The following SNX24 variants were observed in gnomAD, a reference collection of about 807,000 sequenced individuals.
The protein encoded by SNX24 is sorting nexin 24.
A neutral mutation model predicts 28.7 loss-of-function variants in SNX24; 22 were observed. That is an observed-to-expected ratio of 0.77 (90% CI 0.55 to 1.10). The LOEUF is 1.10. Ranked by LOEUF, SNX24 falls within the 50% of genes least tolerant of loss-of-function variation. The probability of loss-of-function intolerance (pLI) is 0.00; values close to 1 mark genes in which losing one functional copy is unlikely to be tolerated. For synonymous variants in SNX24, 69 were observed against 71.5 expected, an observed-to-expected ratio of 0.96 and a Z score of 0.18; for missense variants, 221 against 201.1, an observed-to-expected ratio of 1.10 and a Z score of -0.60.
At chr5:122,925,612 G>C (rs1451914406) in intron 1 of SNX24, among the ~76,000 whole-genome samples, 1 of 151,856 alleles carries the variant, frequency 6.6e-6, no homozygotes, top group Non-Finnish European at 1.5e-5. Context: ...AGTCTTCTTT[G>C]ACTATTTACA....
intron 1 of SNX24, chr5:122,853,709 AAC>A (rs1755043654): frequency 2.4e-6 from 1 of 414,292 alleles, no homozygotes; most frequent in Non-Finnish European, 4.9e-6. Context: ...GCAGGCCCTG[AAC>A]TCCTGGTCTC....
At chr5:122,910,568 T>C (rs1464070629) in intron 1 of SNX24, among the ~76,000 whole-genome samples, 12 of 149,854 alleles carry the variant, frequency 8.0e-5, no homozygotes, top group Admixed American at 8.0e-4. Context: ...GCTGCACCCA[T>C]TAACTCGTCA....
chr5:122,845,888 T>C (rs530290777), intron 1 of SNX24, among the ~76,000 whole-genome samples, 195 bp downstream of exon 1: 1,604 of 150,950 alleles, frequency 0.011, 28 homozygotes, highest in African/African-American at 0.037. Context: ...GCACGGCGGC[T>C]GCGGGCGCCC....
rs530409531 is a variant in SNX24 at position 122,946,665 on chromosome 5, G to A, written c.249+506G>A. Among the ~76,000 whole-genome samples, 8 of 152,296 alleles carry A rather than the reference G, an allele frequency of 5.3e-5. No homozygotes were observed. The South Asian group carries it at 1.7e-3, about 32-fold the overall frequency. The stretch of plus-strand genomic sequence containing the variant: ...GAAAATTCGAATGTCAATTTAGAAA[G>A]AATGCACTGGGACACTCTTTTCTGC... On this transcript the variant is annotated intron_variant, in intron 3 of 6. Coordinates refer to ENST00000261369, the MANE Select transcript of SNX24 (RefSeq NM_014035.4).
chr5:122,988,945 A>G (rs1196402825), intron 3 of SNX24, among the ~76,000 whole-genome samples: 1 of 152,210 alleles, frequency 6.6e-6, no homozygotes, highest in Non-Finnish European at 1.5e-5. Context: ...AGTAAATTAA[A>G]AATAGCATAT....
At chr5:122,889,431 A>T (rs544082767) in intron 1 of SNX24, among the ~76,000 whole-genome samples, 3 of 152,092 alleles carry the variant, frequency 2.0e-5, no homozygotes, top group African/African-American at 7.2e-5. Flanking sequence ...TTGTGTACCA[A>T]CATGAGGCTC....
At chr5:122,904,709 A>T (rs1757577322) in intron 1 of SNX24, among the ~76,000 whole-genome samples, 1 of 152,172 alleles carries the variant, frequency 6.6e-6, no homozygotes, top group African/African-American at 2.4e-5. Context: ...TATTCTATTC[A>T]GTATGCTCTT....
At chr5:122,866,404 G>A (rs1344664317) in intron 1 of SNX24, among the ~76,000 whole-genome samples, 2 of 152,090 alleles carry the variant, frequency 1.3e-5, no homozygotes, top group South Asian at 2.1e-4. Context: ...TCACCTCAGC[G>A]TGCCAAAGTG....
chr5:122,937,047 G>T (rs185379405), intron 2 of SNX24, among the ~76,000 whole-genome samples: 2 of 152,268 alleles, frequency 1.3e-5, no homozygotes, highest in Non-Finnish European at 2.9e-5. Flanking sequence ...AAAATCTCAG[G>T]CTGCAAGCTG....
chr5:122,915,583 G>A (rs115667712), intron 1 of SNX24, among the ~76,000 whole-genome samples: 2,666 of 152,178 alleles, frequency 0.018, 69 homozygotes, highest in African/African-American at 0.061. Context: ...CTATGATTAC[G>A]TCACCATACT....
At chr5:122,963,484 A>T (rs1760571597) in intron 3 of SNX24, among the ~76,000 whole-genome samples, 1 of 152,232 alleles carries the variant, frequency 6.6e-6, no homozygotes, top group South Asian at 2.1e-4. Context: ...AGATGGTTTT[A>T]TCTGATGAAA....
intron 1 of SNX24, among the ~76,000 whole-genome samples, chr5:122,853,115 CTTTTTTTTTTTT>C (rs10530519): frequency 4.2e-4 from 30 of 71,590 alleles, no homozygotes; most frequent in Admixed American, 1.7e-3. Context: ...GTTCTTTAGC[CTTTTTTTTTTTT>C]TTTTTTTTTT....
intron 3 of SNX24, among the ~76,000 whole-genome samples, chr5:122,963,473 T>C (rs1245085056): frequency 6.6e-6 from 1 of 152,158 alleles, no homozygotes; most frequent in Non-Finnish European, 1.5e-5. Flanking sequence ...TCTTAAAAGG[T>C]AGATGGTTTT....
intron 6 of SNX24, among the ~76,000 whole-genome samples, chr5:123,002,549 G>A (rs1762281551): frequency 6.6e-6 from 1 of 152,140 alleles, no homozygotes; most frequent in Non-Finnish European, 1.5e-5. Flanking sequence ...GGAGAATGGC[G>A]TGAACCCGGG....
intron 1 of SNX24, among the ~76,000 whole-genome samples, chr5:122,870,122 T>C (rs1191816342): frequency 6.6e-6 from 1 of 152,236 alleles, no homozygotes; most frequent in African/African-American, 2.4e-5. Flanking sequence ...GCTTGTAGTA[T>C]AGAATGTTTT....
intron 2 of SNX24, among the ~76,000 whole-genome samples, chr5:122,937,399 TAAACG>T (rs1759224218): frequency 6.6e-6 from 1 of 152,158 alleles, no homozygotes; most frequent in South Asian, 2.1e-4. Context: ...AAGTCTTAGA[TAAACG>T]AAACAGAAAG....
intron 1 of SNX24, among the ~76,000 whole-genome samples, chr5:122,915,404 T>C (rs1392447777): frequency 1.3e-5 from 2 of 152,090 alleles, no homozygotes; most frequent in African/African-American, 2.4e-5. Context: ...GACAGGGTGA[T>C]TGCTTGAGCC....
At chr5:122,995,081 A>C (rs765262514) in intron 3 of SNX24, among the ~76,000 whole-genome samples, 50 of 152,206 alleles carry the variant, frequency 3.3e-4, no homozygotes, top group Admixed American at 1.9e-3. Context: ...TTTCTCTGTT[A>C]ATTCTATACC....
At chr5:122,940,671 A>C (rs1433102260) in intron 2 of SNX24, among the ~76,000 whole-genome samples, 1 of 152,178 alleles carries the variant, frequency 6.6e-6, no homozygotes, top group African/African-American at 2.4e-5. Context: ...TCCCAGGTTC[A>C]AACGATTCTT....
Sources: allele counts gnomAD v4.1 joint callset (sites outside exome capture counted in the v4.1 genomes callset), GRCh38; gene constraint gnomAD v4.1.1; transcripts MANE v1.5; gene names NCBI Gene and HGNC (gene_info 2026-07-23, HGNC 2026-07-21).